ERLIN2: variants seen among roughly 807,000 people sequenced by gnomAD.
ERLIN2 encodes the protein ER lipid raft associated 2.
In ERLIN2, 22 loss-of-function variants were observed where a neutral mutation model predicts 41.5. That is an observed-to-expected ratio of 0.53 (90% confidence interval 0.38 to 0.76). The LOEUF (loss-of-function observed/expected upper bound fraction) is 0.76. Ranked by LOEUF, ERLIN2 falls within the 30% of genes least tolerant of loss-of-function variation. The probability of loss-of-function intolerance (pLI) is 0.00; values close to 1 mark genes in which losing one functional copy is unlikely to be tolerated. For missense variants in ERLIN2, 247 were observed against 414.3 expected, an observed-to-expected ratio of 0.60 and a Z score of 3.51; for synonymous variants, 149 against 150.9, an observed-to-expected ratio of 0.99 and a Z score of 0.09.
intron 4 of ERLIN2, among the ~76,000 whole-genome samples, chr8:37,742,340 T>TA (rs770233868): frequency 0.012 from 1,472 of 127,364 alleles, 12 homozygotes; most frequent in Admixed American, 0.018. Context: ...ACTCCGTCTT[T>TA]AAAAAAAAAA....
chr8:37,744,286 A>G (rs180902641), intron 4 of ERLIN2, 69 bp from the exon 5 acceptor site: 3 of 1,320,198 alleles, frequency 2.3e-6, no homozygotes, highest in Non-Finnish European at 2.2e-6. Context: ...ATCTTACGCC[A>G]TCACCCTGGG....
intron 6 of ERLIN2, among the ~76,000 whole-genome samples, chr8:37,748,621 T>C (rs1307330530): frequency 6.6e-6 from 1 of 152,222 alleles, no homozygotes; most frequent in Non-Finnish European, 1.5e-5. Context: ...GAGGCTCTTA[T>C]TTGAGCACAG....
At chr8:37,751,863 G>A in intron 10 of ERLIN2, 148 bp downstream of exon 10, 1 of 713,388 alleles carries the variant, frequency 1.4e-6, no homozygotes, top group Non-Finnish European at 2.6e-6. Flanking sequence ...GTGGAGACTT[G>A]AGTTTTGAGG....
At position 37,751,710 on chromosome 8, in the gene ERLIN2, T is replaced by C; in HGVS notation, c.734T>C (p.Ile245Thr). ...EKETEKKISE[I>T]EDAAFLAREK... ...GAGACTGAGAAGAAGATTTCAGAAATTGAAGGTAAGCAGAAGTGGCAGTCA... is the reference window on the plus strand; with the variant it reads ...GAGACTGAGAAGAAGATTTCAGAAACTGAAGGTAAGCAGAAGTGGCAGTCA... Residue 245 changes from isoleucine (I) to threonine (T), a missense_variant, in exon 10 of 12, where the codon ATT becomes ACT. By Grantham distance (89) the Ile-to-Thr change is moderately conservative. Coordinates refer to ENST00000519638, the MANE Select transcript of ERLIN2 (RefSeq NM_007175.8). The C allele has an allele frequency of 6.2e-7, 1 of 1,613,452 alleles. No individual in the cohort carries two copies. The highest frequency in any genetic ancestry group is 8.5e-7 in the Non-Finnish European group (1 of 1,179,542).
chr8:37,746,090 T>C lies in ERLIN2; in HGVS notation c.424+1394T>C, dbSNP rs1164783902. 3.0e-6 allele frequency: 3 copies of C among 993,554 alleles called. No individual in the cohort carries two copies. In the South Asian group the frequency reaches 1.3e-4, roughly 44 times the overall value. 61.5% of individuals were successfully genotyped at this position (993,554 alleles called of 1,614,324 possible). On this transcript the variant is annotated intron_variant, in intron 6 of 11. Coordinates refer to ENST00000519638, the MANE Select transcript of ERLIN2 (RefSeq NM_007175.8). ...GTATGGAGGAGCTGGGGAAATATAT[T>C]TGCTTTGAAACTTTTTTATTTTTAC...
At position 37,753,445 on chromosome 8, in the gene ERLIN2, C is replaced by T. The variant is rs191003311; in HGVS notation, c.740-5C>T. ...ACCAAGTTCACTGCACTCCTTCCCC[C>T]TCAGATGCTGCATTTCTGGCCCGGG... On this transcript the variant is annotated splice_polypyrimidine_tract_variant and splice_region_variant and intron_variant, in intron 10 of 11. Coordinates refer to ENST00000519638, the MANE Select transcript of ERLIN2 (RefSeq NM_007175.8). 1.7e-5 allele frequency: 28 copies of T among 1,613,524 alleles called. No individual in the cohort carries two copies. Among genetic ancestry groups the T allele is most frequent in the Non-Finnish European group, 2.2e-5 (26 of 1,179,572 alleles).
chr8:37,742,378 C>T (rs966391707), intron 4 of ERLIN2, among the ~76,000 whole-genome samples: 8 of 149,350 alleles, frequency 5.4e-5, no homozygotes, highest in Admixed American at 4.7e-4. Context: ...TCACTAGTCA[C>T]AATAACAAAG....
intron 3 of ERLIN2, 140 bp downstream of exon 3, chr8:37,740,586 T>C: frequency 4.5e-6 from 1 of 221,720 alleles, no homozygotes; most frequent in Non-Finnish European, 8.5e-6. Flanking sequence ...ACATATTATA[T>C]ATATATAATA....
rs1277891180 is a variant in ERLIN2 at position 37,744,885 on chromosome 8, G to A, written c.424+189G>A. 1.7e-5 allele frequency: 12 copies of A among 720,060 alleles called. No individual in the cohort carries two copies. In the Admixed American group the frequency reaches 2.0e-4, roughly 12 times the overall value. 44.6% of individuals were successfully genotyped at this position (720,060 alleles called of 1,614,324 possible). A position where few individuals can be genotyped will look rare whatever the true frequency, so the allele number is the denominator to read the frequency against. The stretch of plus-strand genomic sequence containing the variant: ...GAGAATGCTGATAGCTATGCAACAA[G>A]ATCCTTAGAGGGCTGGAGCTTTGGG... On this transcript the variant is annotated intron_variant, in intron 6 of 11. Transcript: ENST00000519638.
At chr8:37,744,783 C>A in intron 6 of ERLIN2, 87 bp downstream of exon 6, 1 of 1,451,192 alleles carries the variant, frequency 6.9e-7, no homozygotes, top group Non-Finnish European at 9.7e-7. Flanking sequence ...TGGCTGCCTG[C>A]AGGGTGTGAT....
chr8:37,747,523 G>GTAGACACAGTGACAGAA, intron 6 of ERLIN2: 1 of 1,612,368 alleles, frequency 6.2e-7, no homozygotes, highest in East Asian at 2.2e-5. Context: ...TTCATCAATG[G>GTAGACACAGTGACAGAA]TAGACACAGT....
intron 10 of ERLIN2, among the ~76,000 whole-genome samples, chr8:37,752,810 C>A (rs937742346): frequency 6.6e-6 from 1 of 152,192 alleles, no homozygotes; most frequent in African/African-American, 2.4e-5. Context: ...GGTCTTAATC[C>A]AAACACGTGT....
intron 1 of ERLIN2, chr8:37,737,537 A>T (rs1308391681): frequency 3.5e-6 from 1 of 281,966 alleles, no homozygotes; most frequent in Non-Finnish European, 7.0e-6. Flanking sequence ...AATTTGGGCC[A>T]AAGTACTGCA....
chr8:37,744,739 C>T, intron 6 of ERLIN2, 43 bp downstream of exon 6: 6 of 1,612,958 alleles, frequency 3.7e-6, no homozygotes, highest in Non-Finnish European at 4.2e-6. Flanking sequence ...AAGCAGGGTT[C>T]CTGGAACCCC....
At chr8:37,739,650 T>A (rs369817454) in intron 2 of ERLIN2, among the ~76,000 whole-genome samples, 38 of 152,118 alleles carry the variant, frequency 2.5e-4, no homozygotes, top group African/African-American at 8.4e-4. Context: ...AATTTTTGTA[T>A]TTTTAGTAGA....
chr8:37,751,607 C>T lies in ERLIN2; in HGVS notation c.650-19C>T. On this transcript the variant is annotated intron_variant, in intron 9 of 11. Transcript: ENST00000519638. The stretch of plus-strand genomic sequence containing the variant: ...ACTCTGAAATGCCAGAACCGTAATC[C>T]TCACTATCATTTATTCAGAGGCAGA... 1.3e-6 allele frequency: 2 copies of T among 1,593,754 alleles called. No homozygotes were observed. The highest frequency in any genetic ancestry group is 1.7e-6 in the Non-Finnish European group (2 of 1,161,496).
intron 2 of ERLIN2, among the ~76,000 whole-genome samples, chr8:37,738,398 C>T (rs1053711536): frequency 5.3e-5 from 8 of 151,628 alleles, no homozygotes; most frequent in Non-Finnish European, 5.9e-5. Flanking sequence ...GCAGTCTTAG[C>T]TCTACATCCC....
At chr8:37,743,277 A>G (rs1344269909) in intron 4 of ERLIN2, among the ~76,000 whole-genome samples, 4 of 152,248 alleles carry the variant, frequency 2.6e-5, no homozygotes, top group Admixed American at 1.3e-4. Flanking sequence ...ACAGAGGACT[A>G]CACACCAAGG....
Position 37,749,423 on chromosome 8 carries a change from G to T in ERLIN2, c.425-136G>T, listed in dbSNP as rs1213617449. On this transcript the variant is annotated intron_variant, in intron 6 of 11. Coordinates refer to ENST00000519638, the MANE Select transcript of ERLIN2 (RefSeq NM_007175.8). ...AGTTGGGCAGGGGATCTTTAGATTT[G>T]TGGGCTTTGATAAGCACACTCCCTT... 1.9e-5 allele frequency: 14 copies of T among 726,524 alleles called. No individual in the cohort carries two copies. The East Asian group carries it at 3.7e-4, about 19-fold the overall frequency. 45.0% of individuals were successfully genotyped at this position (726,524 alleles called of 1,614,324 possible). A position where few individuals can be genotyped will look rare whatever the true frequency, so the allele number is the denominator to read the frequency against.
Sources: gnomAD v4.1 joint callset for allele counts (sites outside exome capture counted in the v4.1 genomes callset) on GRCh38, gnomAD v4.1.1 for gene constraint, MANE v1.5 for transcripts, NCBI Gene and HGNC (gene_info 2026-07-23, HGNC 2026-07-21) for gene names.